FOXP1: variants seen among roughly 807,000 people sequenced by gnomAD.
The protein encoded by FOXP1 is forkhead box P1, also known as forkhead box protein P1.
In FOXP1, 15 loss-of-function variants were observed where a neutral mutation model predicts 98.2. The ratio of observed to expected loss-of-function variants is 0.15; its 90% confidence interval spans 0.10 to 0.24. The LOEUF (loss-of-function observed/expected upper bound fraction) is 0.24, where lower values mean the gene tolerates loss of function less well. Among genes scored for constraint, FOXP1 ranks in the 10% least tolerant of loss-of-function variants. The pLI is 1.00. For synonymous variants in FOXP1, 371 were observed against 314.5 expected, an observed-to-expected ratio of 1.18 and a Z score of -1.90; for missense variants, 633 against 848.5, an observed-to-expected ratio of 0.75 and a Z score of 3.15.
At chr3:71,249,289 T>C (rs538753238) in intron 5 of FOXP1, among the ~76,000 whole-genome samples, 1 of 152,232 alleles carries the variant, frequency 6.6e-6, no homozygotes, top group Non-Finnish European at 1.5e-5. Context: ...TGGGTGGGAA[T>C]GAACCCCAGA....
At chr3:71,012,252 G>C (rs1249840716) in intron 12 of FOXP1, among the ~76,000 whole-genome samples, 1 of 152,112 alleles carries the variant, frequency 6.6e-6, no homozygotes, top group East Asian at 1.9e-4. Context: ...CACTGGTGTA[G>C]AAGAAAAAAC....
intron 12 of FOXP1, among the ~76,000 whole-genome samples, chr3:71,008,574 T>C (rs1224788891): frequency 1.3e-5 from 2 of 152,046 alleles, no homozygotes; most frequent in East Asian, 1.9e-4. Flanking sequence ...TAACTCATGG[T>C]TGATAGATTA....
intron 3 of FOXP1, among the ~76,000 whole-genome samples, chr3:71,486,594 AAAT>A (rs1458318558): frequency 3.3e-5 from 5 of 152,334 alleles, no homozygotes; most frequent in Admixed American, 1.3e-4. Context: ...TGACCAAAAG[AAAT>A]AATAATATGC....
At chr3:71,336,310 T>G (rs2076677125) in intron 4 of FOXP1, among the ~76,000 whole-genome samples, 1 of 152,200 alleles carries the variant, frequency 6.6e-6, no homozygotes, top group South Asian at 2.1e-4. Flanking sequence ...ATGTGCAGAA[T>G]GTGCAGGTTA....
intron 4 of FOXP1, among the ~76,000 whole-genome samples, chr3:71,317,679 A>G (rs570481361): frequency 6.6e-5 from 10 of 152,130 alleles, no homozygotes; most frequent in African/African-American, 2.4e-4. Context: ...TTTTTTAATT[A>G]ATCTTCCCCC....
intron 3 of FOXP1, among the ~76,000 whole-genome samples, chr3:71,400,947 T>C (rs1252930553): frequency 6.6e-6 from 1 of 152,170 alleles, no homozygotes; most frequent in African/African-American, 2.4e-5. Flanking sequence ...CTACGTCTCA[T>C]AAAAACAGAA....
chr3:71,228,551 A>G (rs1347258347), intron 5 of FOXP1, among the ~76,000 whole-genome samples: 1 of 152,218 alleles, frequency 6.6e-6, no homozygotes, highest in African/African-American at 2.4e-5. Context: ...AAAGCAGCGC[A>G]ATGACAATGT....
chr3:71,237,004 C>T (rs778734890), intron 5 of FOXP1, among the ~76,000 whole-genome samples: 11 of 151,426 alleles, frequency 7.3e-5, no homozygotes, highest in Middle Eastern at 6.8e-3. Context: ...AAGGCCGAGG[C>T]GGGCAAATCA....
At chr3:71,291,712 ATTTT>A (rs11438381) in intron 5 of FOXP1, among the ~76,000 whole-genome samples, 5 of 125,188 alleles carry the variant, frequency 4.0e-5, no homozygotes, top group African/African-American at 3.0e-5. Flanking sequence ...CTTATTCTGT[ATTTT>A]TTTTTTTTTT....
intron 2 of FOXP1, among the ~76,000 whole-genome samples, chr3:71,510,278 C>T (rs930172938): frequency 6.6e-6 from 1 of 152,188 alleles, no homozygotes; most frequent in African/African-American, 2.4e-5. Flanking sequence ...CACTTGAGGA[C>T]CAGCCTGGCC....
chr3:71,421,642 G>A (rs1047410707), intron 3 of FOXP1, among the ~76,000 whole-genome samples: 3 of 152,118 alleles, frequency 2.0e-5, no homozygotes, highest in Non-Finnish European at 2.9e-5. Flanking sequence ...AGACACCTGC[G>A]TAGTGAATGG....
At chr3:71,186,514 C>A (rs2062654542) in intron 6 of FOXP1, among the ~76,000 whole-genome samples, 1 of 152,180 alleles carries the variant, frequency 6.6e-6, no homozygotes, top group African/African-American at 2.4e-5. Context: ...AGATCGAGAC[C>A]ATCCTGGCCA....
chr3:71,439,302 G>A (rs1323671495), intron 3 of FOXP1, among the ~76,000 whole-genome samples: 1 of 152,192 alleles, frequency 6.6e-6, no homozygotes, highest in Non-Finnish European at 1.5e-5. Flanking sequence ...GTGTGTCCAT[G>A]TGCATAGGGT....
intron 6 of FOXP1, among the ~76,000 whole-genome samples, chr3:71,169,811 C>T (rs1468832278): frequency 1.3e-5 from 2 of 149,800 alleles, no homozygotes; most frequent in Non-Finnish European, 3.0e-5. Flanking sequence ...ATTTTTTGCT[C>T]AGATATGTAA....
intron 13 of FOXP1, among the ~76,000 whole-genome samples, chr3:70,989,616 T>C (rs2040298020): frequency 6.6e-6 from 1 of 152,168 alleles, no homozygotes; most frequent in Admixed American, 6.6e-5. Context: ...TCCTAAGCTT[T>C]TTGATGTCAA....
At chr3:71,123,166 T>C (rs1026243881) in intron 6 of FOXP1, among the ~76,000 whole-genome samples, 2 of 152,114 alleles carry the variant, frequency 1.3e-5, no homozygotes, top group African/African-American at 4.8e-5. Context: ...AACCTTTGCC[T>C]AAAAACTCTG....
chr3:71,397,591 CAT>C (rs772463774), intron 3 of FOXP1, among the ~76,000 whole-genome samples: 9 of 152,170 alleles, frequency 5.9e-5, no homozygotes, highest in Non-Finnish European at 1.3e-4. Context: ...TACAAATAGA[CAT>C]ATAATTACAA....
At chr3:71,213,929 C>G (rs1346841590) in intron 5 of FOXP1, among the ~76,000 whole-genome samples, 1 of 152,158 alleles carries the variant, frequency 6.6e-6, no homozygotes, top group Non-Finnish European at 1.5e-5. Context: ...GCAGTGGGTT[C>G]CAATCAGGTA....
intron 20 of FOXP1, among the ~76,000 whole-genome samples, chr3:70,964,204 G>C (rs1198481454): frequency 6.6e-6 from 1 of 152,138 alleles, no homozygotes; most frequent in African/African-American, 2.4e-5. Flanking sequence ...TTTGTGTAGG[G>C]TTTCTTGTAA....
Sources: gnomAD v4.1 joint callset for allele counts (sites outside exome capture counted in the v4.1 genomes callset) on GRCh38, gnomAD v4.1.1 for gene constraint, MANE v1.5 for transcripts, NCBI Gene and HGNC (gene_info 2026-07-23, HGNC 2026-07-21) for gene names.